The following PTPRD variants were observed in gnomAD, a reference collection of about 807,000 sequenced individuals.
The protein encoded by PTPRD is protein tyrosine phosphatase receptor type D.
In PTPRD, 34 loss-of-function variants were observed where a neutral mutation model predicts 214.5. That is an observed-to-expected ratio of 0.16 (90% confidence interval 0.12 to 0.21). PTPRD has a LOEUF of 0.21. Among genes scored for constraint, PTPRD ranks in the 10% least tolerant of loss-of-function variants. The pLI is 1.00. For synonymous variants in PTPRD, 1,128 were observed against 845.7 expected, an observed-to-expected ratio of 1.33 and a Z score of -5.79; for missense variants, 2,545 against 2,398.7, an observed-to-expected ratio of 1.06 and a Z score of -1.27.
intron 2 of PTPRD, among the ~76,000 whole-genome samples, chr9:10,485,996 G>GTGTC (rs1163298002): frequency 3.3e-4 from 50 of 150,888 alleles, no homozygotes; most frequent in African/African-American, 1.2e-3. Context: ...CTTTCGAGGA[G>GTGTC]TGTCTGTTCA....
At chr9:10,032,858 T>C (rs1489651309) in intron 4 of PTPRD, among the ~76,000 whole-genome samples, 1 of 152,018 alleles carries the variant, frequency 6.6e-6, no homozygotes, top group Non-Finnish European at 1.5e-5. Flanking sequence ...TTTACTATTA[T>C]TTATCTATAA....
chr9:8,360,109 T>C (rs1040139625), intron 39 of PTPRD, among the ~76,000 whole-genome samples: 1 of 152,188 alleles, frequency 6.6e-6, no homozygotes, highest in Non-Finnish European at 1.5e-5. Flanking sequence ...TGACGAGATA[T>C]AGTTACAAAA....
At chr9:8,728,420 A>T (rs1225700335) in intron 12 of PTPRD, among the ~76,000 whole-genome samples, 1 of 151,966 alleles carries the variant, frequency 6.6e-6, no homozygotes, top group Non-Finnish European at 1.5e-5. Flanking sequence ...CTGATCTTGA[A>T]CTCCTGTCCT....
At chr9:10,571,751 C>T (rs993222299) in intron 2 of PTPRD, among the ~76,000 whole-genome samples, 2 of 152,172 alleles carry the variant, frequency 1.3e-5, no homozygotes, top group African/African-American at 2.4e-5. Flanking sequence ...TGAAATTGTT[C>T]CACCTCAGAT....
chr9:8,503,573 T>C (rs2097466402), intron 23 of PTPRD, among the ~76,000 whole-genome samples: 1 of 152,144 alleles, frequency 6.6e-6, no homozygotes. Flanking sequence ...CTGGGAACAA[T>C]TAACCCCCAT....
intron 7 of PTPRD, among the ~76,000 whole-genome samples, chr9:9,662,471 A>G (rs2154380889): frequency 6.6e-6 from 1 of 151,868 alleles, no homozygotes; most frequent in African/African-American, 2.4e-5. Context: ...TAATGTATAG[A>G]GAAAACCATC....
intron 9 of PTPRD, among the ~76,000 whole-genome samples, chr9:9,227,209 C>A (rs995291745): frequency 6.6e-6 from 1 of 152,148 alleles, no homozygotes; most frequent in African/African-American, 2.4e-5. Context: ...TCCTTACATA[C>A]TGGTGAAGCC....
chr9:10,131,035 T>C (rs2098871225), intron 3 of PTPRD, among the ~76,000 whole-genome samples: 1 of 152,124 alleles, frequency 6.6e-6, no homozygotes, highest in African/African-American at 2.4e-5. Context: ...AAGGTGATAC[T>C]AGTGTCAAGC....
intron 2 of PTPRD, among the ~76,000 whole-genome samples, chr9:10,458,266 T>G (rs2098932515): frequency 6.6e-6 from 1 of 152,120 alleles, no homozygotes; most frequent in African/African-American, 2.4e-5. Flanking sequence ...GGCCAATATC[T>G]CTGAAGAACA....
intron 11 of PTPRD, among the ~76,000 whole-genome samples, chr9:8,740,929 T>C (rs1486528809): frequency 1.3e-5 from 2 of 152,174 alleles, no homozygotes. Flanking sequence ...AAACAATTCC[T>C]ATCAATATAG....
chr9:8,577,547 G>A (rs930821367), intron 14 of PTPRD, among the ~76,000 whole-genome samples: 8 of 152,216 alleles, frequency 5.3e-5, no homozygotes, highest in African/African-American at 1.9e-4. Context: ...GAGCCACTGT[G>A]CCCAGCCTAC....
At chr9:8,449,283 G>C (rs1036322183) in intron 34 of PTPRD, among the ~76,000 whole-genome samples, 2 of 143,976 alleles carry the variant, frequency 1.4e-5, no homozygotes, top group Non-Finnish European at 3.0e-5. Flanking sequence ...TCCTCTTTCA[G>C]AGTACCATAA....
intron 11 of PTPRD, among the ~76,000 whole-genome samples, chr9:8,806,972 T>C (rs1034485213): frequency 2.0e-5 from 3 of 152,178 alleles, no homozygotes; most frequent in East Asian, 1.9e-4. Flanking sequence ...GACCCATGAA[T>C]TGCCTTTGTT....
chr9:9,670,515 C>T (rs764933246), intron 7 of PTPRD, among the ~76,000 whole-genome samples: 21 of 152,162 alleles, frequency 1.4e-4, no homozygotes, highest in African/African-American at 2.4e-4. Context: ...TAAGGGAAAA[C>T]GGAAAATGTC....
rs28740792 is a variant in PTPRD at position 9,629,240 on chromosome 9, A to G, written c.-286-54459T>C. On this transcript the variant is annotated intron_variant, in intron 7 of 45. Coordinates refer to ENST00000381196, the MANE Select transcript of PTPRD (RefSeq NM_002839.4). Reference sequence around the variant, plus strand: ...GGGAGATATATATGTGTGTGTGTGTATATATATATATATATATGAACACTT... The same window carrying G: ...GGGAGATATATATGTGTGTGTGTGTGTATATATATATATATATGAACACTT... 3.3e-3 allele frequency among the ~76,000 whole-genome samples: 384 copies of G among 116,720 alleles called. 1 individual carries two copies. Among genetic ancestry groups the G allele is most frequent in the African/African-American group, 0.01 (306 of 29,510 alleles). The allele number at this position is 116,720 out of a possible 152,430, so 76.6% of individuals were successfully genotyped here. A position where few individuals can be genotyped will look rare whatever the true frequency, so the allele number is the denominator to read the frequency against.
intron 10 of PTPRD, among the ~76,000 whole-genome samples, chr9:9,044,053 A>C (rs1226597633): frequency 6.6e-6 from 1 of 152,228 alleles, no homozygotes; most frequent in Non-Finnish European, 1.5e-5. Context: ...TGTTACTCTT[A>C]GGAAGTCTGA....
intron 25 of PTPRD, 95 bp downstream of exon 25, chr9:8,499,552 T>A (rs1207309392): frequency 7.6e-7 from 1 of 1,313,878 alleles, no homozygotes; most frequent in East Asian, 2.4e-5. Context: ...TAGGATTTTT[T>A]AAATGTCGAA....
intron 2 of PTPRD, among the ~76,000 whole-genome samples, chr9:10,530,996 C>G (rs1216048421): frequency 6.6e-6 from 1 of 151,806 alleles, no homozygotes; most frequent in Non-Finnish European, 1.5e-5. Context: ...GTCAGCCAGG[C>G]TAAAGTGCCA....
At chr9:9,805,897 G>T (rs1448437331) in intron 5 of PTPRD, among the ~76,000 whole-genome samples, 2 of 152,024 alleles carry the variant, frequency 1.3e-5, no homozygotes, top group East Asian at 1.9e-4. Flanking sequence ...AGAAGAAAAG[G>T]CACAAAGTAG....
Sources: gnomAD v4.1 joint callset for allele counts (sites outside exome capture counted in the v4.1 genomes callset) on GRCh38, gnomAD v4.1.1 for gene constraint, MANE v1.5 for transcripts, NCBI Gene and HGNC (gene_info 2026-07-23, HGNC 2026-07-21) for gene names.